The following TBC1D14 variants were observed in gnomAD, a reference collection of about 807,000 sequenced individuals.
The protein encoded by TBC1D14 is TBC1 domain family, member 14.
Under a neutral mutation model 79.0 loss-of-function variants are expected in TBC1D14, and 26 were observed. The ratio of observed to expected loss-of-function variants is 0.33; its 90% CI spans 0.24 to 0.46. TBC1D14 has a LOEUF of 0.46. Ranked by LOEUF, TBC1D14 falls within the 20% of genes least tolerant of loss-of-function variation. TBC1D14 has a pLI of 1.00. For synonymous variants in TBC1D14, 394 were observed against 349.9 expected, an observed-to-expected ratio of 1.13 and a Z score of -1.40; for missense variants, 769 against 887.6, an observed-to-expected ratio of 0.87 and a Z score of 1.70.
chr4:7,006,586 A>C (rs774884515), intron 8 of TBC1D14, 46 bp from the exon 9 acceptor site: 1 of 1,558,180 alleles, frequency 6.4e-7, no homozygotes, highest in Non-Finnish European at 8.8e-7. Flanking sequence ...ATTGTCCTAC[A>C]TTCGTGCCCT....
intron 2 of TBC1D14, among the ~76,000 whole-genome samples, chr4:6,935,227 A>AT (rs372343859): frequency 0.02 from 2,923 of 147,966 alleles, 28 homozygotes; most frequent in Middle Eastern, 0.039. Context: ...AAGTGGTGTG[A>AT]TTTTTTTTTT....
At chr4:6,986,119 G>T (rs1717796943) in intron 3 of TBC1D14, among the ~76,000 whole-genome samples, 1 of 152,190 alleles carries the variant, frequency 6.6e-6, no homozygotes, top group Non-Finnish European at 1.5e-5. Flanking sequence ...ACCTTTTTAA[G>T]AAGTGTCACA....
chr4:6,909,683 A>T (rs1722800799), upstream of TBC1D14, among the ~76,000 whole-genome samples: 1 of 150,928 alleles, frequency 6.6e-6, no homozygotes, highest in African/African-American at 2.4e-5. Context: ...GCCGAGCTCC[A>T]GACGCGGCGG....
intron 2 of TBC1D14, among the ~76,000 whole-genome samples, chr4:6,935,994 T>C (rs945439630): frequency 6.6e-6 from 1 of 152,232 alleles, no homozygotes; most frequent in Non-Finnish European, 1.5e-5. Context: ...AAATAGACTT[T>C]ATTTTTTAGA....
At position 6,976,379 on chromosome 4, in the gene TBC1D14, A is replaced by G. The variant is rs80131860; in HGVS notation, c.843+8955A>G. Among the ~76,000 whole-genome samples, 67 of 152,370 alleles carry G rather than the reference A, an allele frequency of 4.4e-4. 1 individual carries two copies. The East Asian group carries it at 0.011, about 25-fold the overall frequency. On this transcript the variant is annotated intron_variant, in intron 3 of 13. Coordinates refer to ENST00000409757, the MANE Select transcript of TBC1D14 (RefSeq NM_020773.3). ...AAGTAAGAAGTCCATGTCCAGATAC[A>G]TCATAACCAAATTGCTGAAAATAAA...
At chr4:6,957,616 A>G (rs1246832942) in intron 2 of TBC1D14, among the ~76,000 whole-genome samples, 2 of 152,340 alleles carry the variant, frequency 1.3e-5, no homozygotes, top group Admixed American at 6.5e-5. Context: ...ACTTCTTGCT[A>G]TATTCCTGGG....
intron 1 of TBC1D14, among the ~76,000 whole-genome samples, chr4:6,922,147 A>G (rs1453103781): frequency 6.6e-6 from 1 of 151,972 alleles, no homozygotes; most frequent in East Asian, 1.9e-4. Context: ...TAAACCTCCC[A>G]GGCTCAAGTG....
intron 2 of TBC1D14, among the ~76,000 whole-genome samples, chr4:6,929,262 T>C (rs1711525745): frequency 6.6e-6 from 1 of 152,138 alleles, no homozygotes; most frequent in Non-Finnish European, 1.5e-5. Context: ...GTACGTACTT[T>C]ACATTAGAGT....
chr4:6,987,260 C>T, intron 3 of TBC1D14: 2 of 1,275,416 alleles, frequency 1.6e-6, no homozygotes, highest in East Asian at 3.2e-5. Context: ...CCCGCCCGCC[C>T]GCGGTCCGGG....
At chr4:6,962,074 T>G (rs1050356536) in intron 2 of TBC1D14, among the ~76,000 whole-genome samples, 11 of 152,150 alleles carry the variant, frequency 7.2e-5, no homozygotes, top group African/African-American at 2.7e-4. Flanking sequence ...GAAGAAATGG[T>G]TCTCCTCTCA....
chr4:7,031,322 T>C lies in TBC1D14; in HGVS notation c.*930T>C, dbSNP rs1723020788. 6.6e-6 allele frequency: 1 copy of C among 152,368 alleles called. No homozygotes were observed. Among genetic ancestry groups the C allele is most frequent in the African/African-American group, 2.4e-5 (1 of 41,466 alleles). 9.4% of individuals were successfully genotyped at this position (152,368 alleles called of 1,614,324 possible). A position where few individuals can be genotyped will look rare whatever the true frequency, so the allele number is the denominator to read the frequency against. ...CCCCTTGTGCCAGCAGTGGCTCCTC[T>C]CTGCCTTTGAGCCCTGCACAGCTGG... is the stretch of plus-strand genomic sequence containing the variant. On this transcript the variant is annotated 3_prime_UTR_variant, in exon 14 of 14. Coordinates refer to ENST00000409757, the MANE Select transcript of TBC1D14 (RefSeq NM_020773.3).
At chr4:6,942,118 G>A (rs1712971127) in intron 2 of TBC1D14, among the ~76,000 whole-genome samples, 1 of 152,204 alleles carries the variant, frequency 6.6e-6, no homozygotes, top group African/African-American at 2.4e-5. Flanking sequence ...GATGTTAGTG[G>A]AAAATATCAT....
intron 2 of TBC1D14, among the ~76,000 whole-genome samples, chr4:6,930,552 C>A (rs751015293): frequency 6.6e-6 from 1 of 152,174 alleles, no homozygotes; most frequent in Non-Finnish European, 1.5e-5. Context: ...AATCCCAGCA[C>A]TTTGGGAGGC....
Position 7,010,760 on chromosome 4 carries a change from T to C in TBC1D14, c.1626T>C (p.Phe542=). 6.2e-7 allele frequency: 1 copy of C among 1,613,904 alleles called. No homozygotes were observed. The highest frequency in any genetic ancestry group is 1.7e-5 in the Admixed American group (1 of 59,978). ...NLLNKPCQMA[F]FRVDHGLMLT... ...TGAATAAACCCTGTCAAATGGCGTTTTTTAGAGTGGACCATGGCCTTGTGA... is the reference window on the plus strand; with the variant it reads ...TGAATAAACCCTGTCAAATGGCGTTCTTTAGAGTGGACCATGGCCTTGTGA... Residue 542 remains phenylalanine, a synonymous_variant, in exon 11 of 14, where the codon TTT becomes TTC. Transcript: ENST00000409757.
At chr4:6,940,822 G>A (rs1041704573) in intron 2 of TBC1D14, among the ~76,000 whole-genome samples, 6 of 152,198 alleles carry the variant, frequency 3.9e-5, no homozygotes, top group African/African-American at 9.6e-5. Flanking sequence ...GCAGCCAGGA[G>A]GCTGTGCTTG....
chr4:6,921,878 G>A (rs80085779), intron 1 of TBC1D14, among the ~76,000 whole-genome samples: 1 of 151,928 alleles, frequency 6.6e-6, no homozygotes, highest in East Asian at 1.9e-4. Context: ...TGTATTTTTA[G>A]TAGAGATGGG....
intron 4 of TBC1D14, chr4:6,995,299 T>C (rs1468212192): frequency 6.6e-6 from 1 of 152,252 alleles, no homozygotes; most frequent in Non-Finnish European, 1.5e-5. Flanking sequence ...TTTAAAAATC[T>C]GGTCAGGAAA....
chr4:7,004,967 T>C (rs1720030165), intron 8 of TBC1D14, 43 bp downstream of exon 8: 9 of 1,555,434 alleles, frequency 5.8e-6, no homozygotes, highest in East Asian at 2.2e-5. Context: ...TGGTCAATTA[T>C]GTTTGTCATT....
In TBC1D14 at chr4:7,030,410, G is replaced by A. The variant is rs372743499; in HGVS notation, c.*18G>A. 2.4e-5 allele frequency: 39 copies of A among 1,613,176 alleles called. No homozygotes were observed. Among genetic ancestry groups the A allele is most frequent in the Non-Finnish European group, 2.8e-5 (33 of 1,179,430 alleles). ...GACACTGAGGCTGCAGCGGGAATTC[G>A]CACTCGGCACCAATCAGAGCCCCAT... On this transcript the variant is annotated 3_prime_UTR_variant, in exon 14 of 14. Transcript: ENST00000409757.
Sources: gnomAD v4.1 joint callset for allele counts (sites outside exome capture counted in the v4.1 genomes callset) on GRCh38, gnomAD v4.1.1 for gene constraint, MANE v1.5 for transcripts, NCBI Gene and HGNC (gene_info 2026-07-23, HGNC 2026-07-21) for gene names.